GPC5: variants seen among roughly 807,000 people sequenced by gnomAD.
GPC5 encodes the protein glypican-5.
Under a neutral mutation model 53.9 loss-of-function variants are expected in GPC5, and 47 were observed. The ratio of observed to expected loss-of-function variants is 0.87; its 90% confidence interval spans 0.69 to 1.11. GPC5 has a LOEUF of 1.11. Among genes scored for constraint, GPC5 ranks in the 50% most tolerant of loss-of-function variants. GPC5 has a pLI of 0.00. For synonymous variants in GPC5, 286 were observed against 263.3 expected (o/e 1.09, Z -0.84); for missense variants, 748 against 713.1 (o/e 1.05, Z -0.56).
At chr13:91,704,114 G>C (rs968233652) in intron 3 of GPC5, among the ~76,000 whole-genome samples, 1 of 151,952 alleles carries the variant, frequency 6.6e-6, no homozygotes, top group Non-Finnish European at 1.5e-5. Context: ...CAATACTATT[G>C]TATTGCAGTC....
intron 2 of GPC5, among the ~76,000 whole-genome samples, chr13:91,671,872 A>G (rs1481714603): frequency 6.6e-6 from 1 of 151,068 alleles, no homozygotes; most frequent in Non-Finnish European, 1.5e-5. Flanking sequence ...CAAAAACAGC[A>G]TAGTACTGGT....
intron 6 of GPC5, among the ~76,000 whole-genome samples, chr13:92,015,000 G>T (rs1293418348): frequency 6.6e-6 from 1 of 152,086 alleles, no homozygotes; most frequent in African/African-American, 2.4e-5. Context: ...GTCAGTCACA[G>T]GGAGGTTCCT....
At chr13:92,033,658 A>G (rs1011543121) in intron 6 of GPC5, among the ~76,000 whole-genome samples, 2 of 152,224 alleles carry the variant, frequency 1.3e-5, no homozygotes, top group African/African-American at 2.4e-5. Flanking sequence ...CAGTGTCAAT[A>G]TTAGTAAAAC....
At chr13:91,478,869 T>C (rs1484565248) in intron 2 of GPC5, among the ~76,000 whole-genome samples, 5 of 78,200 alleles carry the variant, frequency 6.4e-5, no homozygotes, top group South Asian at 5.4e-4. Context: ...TACACACACA[T>C]ATATATACAC....
At chr13:91,774,162 A>G (rs1373745316) in intron 5 of GPC5, among the ~76,000 whole-genome samples, 3 of 152,216 alleles carry the variant, frequency 2.0e-5, no homozygotes. Context: ...CAGGAGGTAC[A>G]GTGTAGAGAG....
chr13:91,896,117 A>ATTTTTTTTTTT (rs1185370619), intron 5 of GPC5, among the ~76,000 whole-genome samples: 1 of 128,014 alleles, frequency 7.8e-6, no homozygotes. Context: ...ATTTTTTCTA[A>ATTTTTTTTTTT]TTTTTTTTTT....
chr13:91,437,193 G>C (rs182163377), intron 1 of GPC5, among the ~76,000 whole-genome samples: 1 of 152,036 alleles, frequency 6.6e-6, no homozygotes, highest in African/African-American at 2.4e-5. Context: ...TTACATTTAA[G>C]GTTAATATTG....
At chr13:92,604,309 C>T (rs1411392799) in intron 7 of GPC5, among the ~76,000 whole-genome samples, 3 of 152,052 alleles carry the variant, frequency 2.0e-5, no homozygotes, top group African/African-American at 7.2e-5. Flanking sequence ...ATTCAGAAAT[C>T]AGTATCTATC....
chr13:91,476,293 C>G (rs1438043678), intron 2 of GPC5, among the ~76,000 whole-genome samples: 1 of 152,150 alleles, frequency 6.6e-6, no homozygotes, highest in Non-Finnish European at 1.5e-5. Flanking sequence ...CCCAGTTGAC[C>G]TATCTTGTGC....
intron 7 of GPC5, chr13:92,719,828 AG>A (rs1888454966): frequency 6.6e-6 from 1 of 152,188 alleles, no homozygotes; most frequent in Admixed American, 6.6e-5. Flanking sequence ...AGTTTGCTAT[AG>A]ATACTAGCAC....
chr13:92,003,341 A>G (rs1400991146), intron 6 of GPC5, among the ~76,000 whole-genome samples: 1 of 151,718 alleles, frequency 6.6e-6, no homozygotes, highest in Non-Finnish European at 1.5e-5. Flanking sequence ...AAAAAAAAAA[A>G]AAAGAAAAGA....
At chr13:91,857,694 A>G (rs944815104) in intron 5 of GPC5, among the ~76,000 whole-genome samples, 1 of 151,110 alleles carries the variant, frequency 6.6e-6, no homozygotes, top group Non-Finnish European at 1.5e-5. Context: ...CTTGTTCCCA[A>G]CTATATATTG....
At chr13:92,174,753 A>G (rs2139027123) in intron 7 of GPC5, among the ~76,000 whole-genome samples, 1 of 152,102 alleles carries the variant, frequency 6.6e-6, no homozygotes, top group East Asian at 1.9e-4. Flanking sequence ...AGTGTGCAGA[A>G]GAAAAAACAA....
At chr13:92,457,871 T>C (rs1250008771) in intron 7 of GPC5, among the ~76,000 whole-genome samples, 2 of 152,140 alleles carry the variant, frequency 1.3e-5, no homozygotes, top group Non-Finnish European at 2.9e-5. Flanking sequence ...AGCATTTTCT[T>C]CTGATGAAGT....
chr13:91,702,218 A>G (rs1056747909), intron 3 of GPC5, among the ~76,000 whole-genome samples: 6 of 152,082 alleles, frequency 3.9e-5, no homozygotes, highest in Admixed American at 3.9e-4. Context: ...ATGGCTTGCA[A>G]ATATTTTCCC....
At chr13:92,033,744 T>A (rs2040871623) in intron 6 of GPC5, among the ~76,000 whole-genome samples, 1 of 152,188 alleles carries the variant, frequency 6.6e-6, no homozygotes, top group Non-Finnish European at 1.5e-5. Flanking sequence ...GAAATAGATT[T>A]CCTTCCTCAG....
At chr13:92,576,332 A>T in intron 7 of GPC5, among the ~76,000 whole-genome samples, 1 of 152,178 alleles carries the variant, frequency 6.6e-6, no homozygotes, top group Admixed American at 6.5e-5. Context: ...GGTACCTAGG[A>T]ATGGATGGGC....
intron 7 of GPC5, among the ~76,000 whole-genome samples, chr13:92,801,626 G>C (rs1170407410): frequency 6.6e-6 from 1 of 151,808 alleles, no homozygotes; most frequent in East Asian, 1.9e-4. Context: ...ACAGCTTCCT[G>C]TATGTTCTTG....
At chr13:91,661,915 A>T (rs528463963) in intron 2 of GPC5, among the ~76,000 whole-genome samples, 1 of 152,324 alleles carries the variant, frequency 6.6e-6, no homozygotes, top group African/African-American at 2.4e-5. Context: ...GAACAGTCAT[A>T]AAGTTGTCAG....
Sources: allele counts gnomAD v4.1 joint callset (sites outside exome capture counted in the v4.1 genomes callset), GRCh38; gene constraint gnomAD v4.1.1; transcripts MANE v1.5; gene names NCBI Gene and HGNC (gene_info 2026-07-23, HGNC 2026-07-21).